The following STK3 variants were observed in gnomAD, a reference collection of about 807,000 sequenced individuals.
STK3 encodes the protein serine/threonine kinase 3, also known as serine/threonine-protein kinase 3.
STK3 carries 41 observed loss-of-function variants against 58.0 expected under a neutral mutation model. The ratio of observed to expected loss-of-function variants is 0.71; its 90% CI spans 0.55 to 0.92. The LOEUF (loss-of-function observed/expected upper bound fraction) is 0.92, where lower values mean the gene tolerates loss of function less well. STK3 is among the 40% of genes least tolerant of loss of function. The probability of loss-of-function intolerance (pLI) is 0.00; values close to 1 mark genes in which losing one functional copy is unlikely to be tolerated. For synonymous variants in STK3, 170 were observed against 191.0 expected, an observed-to-expected ratio of 0.89 and a Z score of 0.91; for missense variants, 479 against 602.7, an observed-to-expected ratio of 0.79 and a Z score of 2.15.
intron 1 of STK3, among the ~76,000 whole-genome samples, chr8:98,801,162 G>C (rs192248234): frequency 1.7e-4 from 25 of 150,794 alleles, no homozygotes; most frequent in Middle Eastern, 3.4e-3. Flanking sequence ...CCAGCACTCT[G>C]TGTCTAGCTA....
chr8:98,930,050 T>C (rs1275598166), intron 1 of STK3, among the ~76,000 whole-genome samples: 1 of 152,210 alleles, frequency 6.6e-6, no homozygotes, highest in African/African-American at 2.4e-5. Context: ...TATTAAGATC[T>C]TGAGGTGTCC....
the STK3 span, among the ~76,000 whole-genome samples, chr8:98,356,666 A>G: frequency 6.6e-6 from 1 of 152,342 alleles, no homozygotes; most frequent in Admixed American, 6.5e-5. Context: ...TCTTCCCAAG[A>G]TGCAATAATG....
chr8:98,800,093 T>C lies in STK3; in HGVS notation c.27-25274A>G, dbSNP rs917890268. On this transcript the variant is annotated intron_variant, in intron 1 of 10. Transcript: ENST00000419617. This position sits in a 1 kb window ranked among gnomAD's most constrained non-coding sequence, Gnocchi z 4.8. ...AGTTGGGCAACATGGCTTCTCCCCT[T>C]TCTAGGTCCCGTGGCAGCCATCTTG... 3.3e-5 allele frequency among the ~76,000 whole-genome samples: 5 copies of C among 152,206 alleles called. No homozygotes were observed. Among genetic ancestry groups the C allele is most frequent in the South Asian group, 2.1e-4 (1 of 4,830 alleles).
At position 98,799,488 on chromosome 8, in the gene STK3, G is replaced by A. The variant is rs181499285; in HGVS notation, c.27-24669C>T. ...GGAGATAGAATTAGTAAAGAAAAAAGCAGTGTACCCTATTCCTTTAAAAGC... is the reference window on the plus strand; with the variant it reads ...GGAGATAGAATTAGTAAAGAAAAAAACAGTGTACCCTATTCCTTTAAAAGC... On this transcript the variant is annotated intron_variant, in intron 1 of 10. Coordinates refer to ENST00000419617, the MANE Select transcript of STK3 (RefSeq NM_006281.4). 8.6e-3 allele frequency among the ~76,000 whole-genome samples: 1,311 copies of A among 152,246 alleles called. 10 individuals are homozygous for A. The highest frequency in any genetic ancestry group is 0.03 in the African/African-American group (1,236 of 41,530).
At chr8:98,873,676 T>G (rs1837462582) in intron 3 of STK3, among the ~76,000 whole-genome samples, 1 of 152,166 alleles carries the variant, frequency 6.6e-6, no homozygotes, top group Non-Finnish European at 1.5e-5. Context: ...GCTTTTTTTT[T>G]TTGTTTTCCA....
At chr8:98,655,179 C>G (rs1462388226) in intron 6 of STK3, among the ~76,000 whole-genome samples, 1 of 151,984 alleles carries the variant, frequency 6.6e-6, no homozygotes, top group East Asian at 1.9e-4. Context: ...GAAATAACGC[C>G]GCATACCTAC....
chr8:98,690,446 T>C (rs1226720353), intron 6 of STK3, among the ~76,000 whole-genome samples: 2 of 98,582 alleles, frequency 2.0e-5, no homozygotes, highest in East Asian at 3.2e-4. Context: ...TTACAATTCC[T>C]ACCAAAAAAA....
chr8:98,819,624 A>G (rs1263681425), intron 1 of STK3, among the ~76,000 whole-genome samples: 1 of 152,126 alleles, frequency 6.6e-6, no homozygotes, highest in Non-Finnish European at 1.5e-5. Flanking sequence ...ACTACTTTGA[A>G]TATTTTGTCC....
At chr8:98,890,217 C>G (rs558764766) in intron 1 of STK3, among the ~76,000 whole-genome samples, 3 of 152,324 alleles carry the variant, frequency 2.0e-5, no homozygotes, top group Admixed American at 2.0e-4. Flanking sequence ...GACACCTGGG[C>G]TTGGCAAGGA....
At chr8:98,621,393 C>G (rs1033264256) in intron 6 of STK3, among the ~76,000 whole-genome samples, 2 of 152,074 alleles carry the variant, frequency 1.3e-5, no homozygotes, top group African/African-American at 4.8e-5. Context: ...ATGCCTTTTC[C>G]TTTCACTTCT....
chr8:98,718,412 T>C (rs1398567192), intron 4 of STK3, among the ~76,000 whole-genome samples: 1 of 152,138 alleles, frequency 6.6e-6, no homozygotes, highest in Non-Finnish European at 1.5e-5. Flanking sequence ...GTCTGGATTA[T>C]CTGAAAATTC....
intron 10 of STK3, among the ~76,000 whole-genome samples, chr8:98,477,586 C>T (rs1189165310): frequency 1.3e-5 from 2 of 151,574 alleles, no homozygotes; most frequent in Non-Finnish European, 2.9e-5. Context: ...TTTCCTATCT[C>T]AGTCTCCACC....
At chr8:98,353,115 G>A in the STK3 span, among the ~76,000 whole-genome samples, 1 of 152,132 alleles carries the variant, frequency 6.6e-6, no homozygotes, top group Non-Finnish European at 1.5e-5. Context: ...CACACATTTT[G>A]TTTCATGCAT....
chr8:98,434,547 T>G (rs1005301322), intron 2 of STK3, among the ~76,000 whole-genome samples: 1 of 152,204 alleles, frequency 6.6e-6, no homozygotes, highest in Admixed American at 6.5e-5. Flanking sequence ...CTCTGCAACA[T>G]TTTCCTCCTT....
chr8:98,465,095 A>G (rs1661028233), intron 10 of STK3, among the ~76,000 whole-genome samples: 1 of 152,170 alleles, frequency 6.6e-6, no homozygotes, highest in Non-Finnish European at 1.5e-5. Flanking sequence ...AGTGCCAATT[A>G]CTGATTATTT....
intron 3 of STK3, among the ~76,000 whole-genome samples, chr8:98,410,364 C>A (rs1818040987): frequency 6.6e-6 from 1 of 152,098 alleles, no homozygotes; most frequent in South Asian, 2.1e-4. Context: ...GATTGGGGAC[C>A]CCCAGGCATC....
At chr8:98,715,353 G>A (rs540872770) in intron 4 of STK3, among the ~76,000 whole-genome samples, 2,666 of 151,762 alleles carry the variant, frequency 0.018, 71 homozygotes, top group African/African-American at 0.061. Flanking sequence ...GCAACCTACA[G>A]AATGGGAGAA....
chr8:98,747,016 T>TGGG (rs1029648039), intron 4 of STK3, among the ~76,000 whole-genome samples: 40 of 147,312 alleles, frequency 2.7e-4, no homozygotes, highest in Admixed American at 2.5e-3. Flanking sequence ...CATTCTAGCC[T>TGGG]GGGCAAAAGA....
At chr8:98,708,822 C>T (rs1317406813) in intron 4 of STK3, among the ~76,000 whole-genome samples, 1 of 151,360 alleles carries the variant, frequency 6.6e-6, no homozygotes, top group Non-Finnish European at 1.5e-5. Flanking sequence ...GTTTTCTCAC[C>T]CTCTCACAAG....
Sources: allele counts gnomAD v4.1 joint callset (sites outside exome capture counted in the v4.1 genomes callset), GRCh38; gene constraint gnomAD v4.1.1; non-coding constraint Gnocchi (gnomAD v3.1); transcripts MANE v1.5; gene names NCBI Gene and HGNC (gene_info 2026-07-23, HGNC 2026-07-21).